The following ANK2 variants were observed in gnomAD, a reference collection of about 807,000 sequenced individuals.
ANK2 encodes the protein ankyrin-2.
In ANK2, 83 loss-of-function variants were observed where a neutral mutation model predicts 360.5. That is an observed-to-expected ratio of 0.23 (90% CI 0.19 to 0.28). The LOEUF (loss-of-function observed/expected upper bound fraction) is 0.28. ANK2 is among the 10% of genes least tolerant of loss of function. The probability of loss-of-function intolerance (pLI) is 1.00; values close to 1 mark genes in which losing one functional copy is unlikely to be tolerated. For missense variants in ANK2, 4,201 were observed against 4,795.7 expected, an observed-to-expected ratio of 0.88 and a Z score of 3.66; for synonymous variants, 1,740 against 1,759.5, an observed-to-expected ratio of 0.99 and a Z score of 0.28.
intron 45 of ANK2, chr4:113,374,888 ATCTGGGGGATTCTAG>A: frequency 7.9e-7 from 1 of 1,260,716 alleles, no homozygotes; most frequent in Non-Finnish European, 1.0e-6. Flanking sequence ...ATGGAGAAAC[ATCTGGGGGATTCTAG>A]TTTAGCCACT....
intron 2 of ANK2, among the ~76,000 whole-genome samples, chr4:113,015,179 A>G (rs2056237607): frequency 6.6e-6 from 1 of 152,078 alleles, no homozygotes; most frequent in Non-Finnish European, 1.5e-5. Context: ...TCTATTGTTT[A>G]CAGAGCAGGT....
At chr4:113,269,168 T>G (rs1322375660) in intron 14 of ANK2, among the ~76,000 whole-genome samples, 1 of 152,202 alleles carries the variant, frequency 6.6e-6, no homozygotes, top group East Asian at 1.9e-4. Context: ...ACTGCTGTGC[T>G]GGCAGCGAGA....
chr4:113,233,775 A>G (rs2099349340), intron 5 of ANK2, among the ~76,000 whole-genome samples: 1 of 152,134 alleles, frequency 6.6e-6, no homozygotes, highest in African/African-American at 2.4e-5. Context: ...TTTCCTACCT[A>G]TGACTGGAAA....
rs149617048 is a variant in ANK2, at chr4:113,012,585, G to T, written c.21+108071G>T. Among the ~76,000 whole-genome samples, 36 of 152,242 alleles carry T rather than the reference G, an allele frequency of 2.4e-4. No individual in the cohort carries two copies. In the East Asian group the frequency reaches 6.6e-3, roughly 28 times the overall value. On this transcript the variant is annotated intron_variant, in intron 2 of 30. Coordinates refer to the ANK2 transcript ENST00000503271. ...TACCAGTTTTTATCAAAGCTTTAGA[G>T]TCAAAATGTCAAATCATTGCTGTTT...
intron 1 of ANK2, among the ~76,000 whole-genome samples, chr4:113,061,881 T>C (rs1282791375): frequency 6.6e-6 from 1 of 152,126 alleles, no homozygotes; most frequent in Non-Finnish European, 1.5e-5. Flanking sequence ...GCACAAAGGA[T>C]AAATGCTTGA....
At chr4:112,747,047 C>T in the ANK2 span, among the ~76,000 whole-genome samples, 3 of 152,122 alleles carry the variant, frequency 2.0e-5, no homozygotes, top group Non-Finnish European at 4.4e-5. Flanking sequence ...ATGACATTAC[C>T]TTTGCAGTTT....
intron 2 of ANK2, among the ~76,000 whole-genome samples, chr4:113,000,125 GA>G (rs1350186513): frequency 6.6e-6 from 1 of 152,186 alleles, no homozygotes; most frequent in Non-Finnish European, 1.5e-5. Flanking sequence ...TTTTAACAAA[GA>G]AAAGGGGGGT....
chr4:113,256,091 T>C (rs978670226), intron 11 of ANK2, among the ~76,000 whole-genome samples, 159 bp downstream of exon 11: 1 of 152,372 alleles, frequency 6.6e-6, no homozygotes, highest in East Asian at 1.9e-4. Flanking sequence ...ACTTCATACA[T>C]TCATAGTTTG....
chr4:113,241,130 T>A (rs1024599307), intron 8 of ANK2, among the ~76,000 whole-genome samples: 2 of 152,198 alleles, frequency 1.3e-5, no homozygotes, highest in Non-Finnish European at 2.9e-5. Flanking sequence ...ATACAGTTAA[T>A]GCAGAATATG....
chr4:112,778,615 C>T, the ANK2 span, among the ~76,000 whole-genome samples: 1 of 152,204 alleles, frequency 6.6e-6, no homozygotes, highest in African/African-American at 2.4e-5. Context: ...TTTCTCGCTG[C>T]TCTGAAGCAG....
chr4:112,746,535 A>G, the ANK2 span, among the ~76,000 whole-genome samples: 1 of 151,578 alleles, frequency 6.6e-6, no homozygotes, highest in Non-Finnish European at 1.5e-5. Context: ...AGAAAAAGAA[A>G]ATGCCTTTTT....
At chr4:112,948,344 T>C (rs977546568) in intron 2 of ANK2, among the ~76,000 whole-genome samples, 9 of 152,198 alleles carry the variant, frequency 5.9e-5, no homozygotes, top group Admixed American at 2.0e-4. Flanking sequence ...ATATCATTCA[T>C]TTGTGAGAGT....
intron 13 of ANK2, among the ~76,000 whole-genome samples, 200 bp downstream of exon 13, chr4:113,258,611 A>C (rs2050826706): frequency 6.6e-6 from 1 of 152,196 alleles, no homozygotes; most frequent in Non-Finnish European, 1.5e-5. Flanking sequence ...AGGTGTTATA[A>C]AGTAAAATGG....
At chr4:113,154,005 A>T (rs2154397707) in intron 1 of ANK2, among the ~76,000 whole-genome samples, 1 of 152,290 alleles carries the variant, frequency 6.6e-6, no homozygotes, top group Middle Eastern at 3.4e-3. Context: ...AAGTAGAAGA[A>T]ACCCTTCACA....
chr4:112,812,394 G>T, the ANK2 span, among the ~76,000 whole-genome samples: 8 of 152,222 alleles, frequency 5.3e-5, no homozygotes, highest in African/African-American at 1.7e-4. Context: ...CATTGCTTCT[G>T]CCTGGCACTC....
rs1286774925 is a variant in ANK2, at chr4:113,331,991, G to A, written c.3145G>A (p.Ala1049Thr). ...ACTCAGTAAACTTCACCTGCCAACGGCTCCTCCCCCACTTAATGAGGGAGA... is the reference window on the plus strand; with the variant it reads ...ACTCAGTAAACTTCACCTGCCAACGACTCCTCCCCCACTTAATGAGGGAGA... ...QFLGKLHLPT[A>T]PPPLNEGESL... Residue 1049 changes from alanine to threonine, a missense_variant, in exon 28 of 46, where the codon GCT becomes ACT. Physicochemically the swap from Ala to Thr is moderately conservative, Grantham distance 58. Coordinates refer to ENST00000357077, the MANE Select transcript of ANK2 (RefSeq NM_001148.6). 6.2e-7 allele frequency: 1 copy of A among 1,614,034 alleles called. No homozygotes were observed. Among genetic ancestry groups the A allele is most frequent in the South Asian group, 1.1e-5 (1 of 91,078 alleles).
intron 26 of ANK2, among the ~76,000 whole-genome samples, chr4:113,327,511 G>A (rs1013091241): frequency 3.9e-5 from 6 of 152,226 alleles, no homozygotes; most frequent in Non-Finnish European, 8.8e-5. Context: ...AGCTCCTCAC[G>A]TCTTGCCCTT....
chr4:112,810,231 A>G, the ANK2 span, among the ~76,000 whole-genome samples: 5 of 142,412 alleles, frequency 3.5e-5, no homozygotes, highest in Non-Finnish European at 6.0e-5. Context: ...CGAACTCCTG[A>G]CCTCAGGTGA....
intron 9 of ANK2, among the ~76,000 whole-genome samples, chr4:113,246,492 A>G (rs774278465): frequency 2.4e-4 from 37 of 152,336 alleles, no homozygotes; most frequent in Non-Finnish European, 4.3e-4. Flanking sequence ...CGTAAATTTT[A>G]TAGCTAGTGA....
Sources: allele counts gnomAD v4.1 joint callset (sites outside exome capture counted in the v4.1 genomes callset), GRCh38; gene constraint gnomAD v4.1.1; transcripts MANE v1.5; gene names NCBI Gene and HGNC (gene_info 2026-07-23, HGNC 2026-07-21).